ANKRD12: variants seen among roughly 807,000 people sequenced by gnomAD.
The protein encoded by ANKRD12 is ankyrin repeat domain 12, also known as ankyrin repeat domain-containing protein 12.
A neutral mutation model predicts 183.4 loss-of-function variants in ANKRD12; 85 were observed. That is an observed-to-expected ratio of 0.46 (90% confidence interval 0.39 to 0.56). The LOEUF is 0.56. ANKRD12 is among the 20% of genes least tolerant of loss of function. The probability of loss-of-function intolerance (pLI) is 0.00; values close to 1 mark genes in which losing one functional copy is unlikely to be tolerated. For missense variants in ANKRD12, 2,405 were observed against 2,357.1 expected, an observed-to-expected ratio of 1.02 and a Z score of -0.42; for synonymous variants, 914 against 800.2, an observed-to-expected ratio of 1.14 and a Z score of -2.40.
At chr18:9,278,111 A>G (rs1417847290) in intron 11 of ANKRD12, among the ~76,000 whole-genome samples, 2 of 152,226 alleles carry the variant, frequency 1.3e-5, no homozygotes, top group Non-Finnish European at 2.9e-5. Flanking sequence ...ATGAGATACC[A>G]AAATGTGAGG....
Position 9,256,396 on chromosome 18 carries a change from C to A in ANKRD12, c.3129C>A (p.Leu1043=). The change falls in exon 9 of 13, where the codon CTC becomes CTA. Residue 1043 remains leucine (L), a synonymous_variant. Coordinates refer to ENST00000262126, the MANE Select transcript of ANKRD12 (RefSeq NM_015208.5). ...HKDKIQINSL[L]KLKSEADKPK... ...ATAAAATTCAAATAAATAGCTTACT[C>A]AAACTAAAATCTGAAGCAGATAAGC... 6.2e-7 allele frequency: 1 copy of A among 1,609,900 alleles called. No individual in the cohort carries two copies. The highest frequency in any genetic ancestry group is 1.1e-5 in the South Asian group (1 of 89,816).
Position 9,254,746 on chromosome 18 carries a change from A to G in ANKRD12, c.1479A>G (p.Glu493=). 2.0e-6 allele frequency: 3 copies of G among 1,482,160 alleles called. No individual in the cohort carries two copies. The highest frequency in any genetic ancestry group is 2.7e-6 in the Non-Finnish European group (3 of 1,117,458). 91.8% of individuals were successfully genotyped at this position (1,482,160 alleles called of 1,614,324 possible). Residue 493 remains glutamate, a synonymous_variant, in exon 9 of 13, where the codon GAA becomes GAG. Transcript: ENST00000262126. ...KENQELKQEK[E]GKENTRITNL... ...ACCAAGAGCTAAAGCAAGAAAAGGA[A>G]GGAAAAGAAAATACAAGAATAACAA...
intron 10 of ANKRD12, among the ~76,000 whole-genome samples, chr18:9,269,467 A>G (rs565389295): frequency 2.0e-5 from 3 of 152,330 alleles, no homozygotes; most frequent in African/African-American, 7.2e-5. Context: ...ATAGTGCCAC[A>G]TATCTACAAC....
chr18:9,256,203 A>G lies in ANKRD12; in HGVS notation c.2936A>G (p.Gln979Arg), dbSNP rs1014690561. Residue 979 changes from glutamine (Q) to arginine (R), a missense_variant, in exon 9 of 13, where the codon CAG becomes CGG. This residue lies in a region of ANKRD12 where 1,983 missense variants were observed against 1,725.9 expected (regional missense o/e 1.15). Coordinates refer to ENST00000262126, the MANE Select transcript of ANKRD12 (RefSeq NM_015208.5). ...SINITNSKHI[Q>R]EEKKSSIVDG... ...AATATAACTAACTCCAAACACATAC[A>G]GGAAGAAAAAAAATCAAGTATAGTA... is the stretch of plus-strand genomic sequence containing the variant. 1 of 1,576,432 alleles carries G rather than the reference A, an allele frequency of 6.3e-7. No individual in the cohort carries two copies. Among genetic ancestry groups the G allele is most frequent in the Non-Finnish European group, 8.6e-7 (1 of 1,168,556 alleles).
intron 11 of ANKRD12, among the ~76,000 whole-genome samples, chr18:9,275,893 C>T (rs1363553245): frequency 6.6e-6 from 1 of 152,176 alleles, no homozygotes; most frequent in African/African-American, 2.4e-5. Context: ...TCACAAAACA[C>T]CTGTACATTT....
In ANKRD12 at chr18:9,254,432, A is replaced by C. The variant is rs771303819; in HGVS notation, c.1165A>C (p.Asn389His). ...HILRKEQRKE[N>H]EPEAEKTHLF... Reference sequence around the variant, plus strand: ...TCTTAGGAAAGAACAACGAAAAGAAAATGAACCTGAAGCAGAAAAAACTCA... The same window carrying C: ...TCTTAGGAAAGAACAACGAAAAGAACATGAACCTGAAGCAGAAAAAACTCA... Residue 389 changes from asparagine to histidine, a missense_variant, in exon 9 of 13, where the codon AAT (asparagine) becomes CAT (histidine). Physicochemically the swap from Asn to His is moderately conservative, Grantham distance 68. Transcript: ENST00000262126. The C allele has an allele frequency of 6.3e-6, 10 of 1,584,036 alleles. No individual in the cohort carries two copies. In the South Asian group the frequency reaches 1.2e-4, roughly 19 times the overall value.
At chr18:9,166,637 G>A (rs1168864512) in intron 1 of ANKRD12, among the ~76,000 whole-genome samples, 36 of 151,286 alleles carry the variant, frequency 2.4e-4, no homozygotes, top group African/African-American at 8.0e-4. Flanking sequence ...AGATGAGTAG[G>A]TTGCAAAAAT....
chr18:9,224,388 A>G (rs1481558260), intron 8 of ANKRD12, among the ~76,000 whole-genome samples: 2 of 152,180 alleles, frequency 1.3e-5, no homozygotes, highest in Non-Finnish European at 2.9e-5. Context: ...CTAATGGTAT[A>G]AAAGTAGAAA....
intron 9 of ANKRD12, among the ~76,000 whole-genome samples, chr18:9,260,661 C>T (rs1210754290): frequency 6.6e-6 from 1 of 152,152 alleles, no homozygotes; most frequent in Non-Finnish European, 1.5e-5. Context: ...ATTCTCAAGA[C>T]TCCTGGGACC....
chr18:9,209,184 TTGA>T (rs1464177334), intron 5 of ANKRD12, among the ~76,000 whole-genome samples: 1 of 152,178 alleles, frequency 6.6e-6, no homozygotes, highest in African/African-American at 2.4e-5. Context: ...CCAAAAATAA[TTGA>T]TGATGACTTA....
chr18:9,187,012 C>G (rs1231940396), intron 2 of ANKRD12, among the ~76,000 whole-genome samples: 2 of 152,156 alleles, frequency 1.3e-5, no homozygotes, highest in African/African-American at 4.8e-5. Context: ...CCGCCCACCT[C>G]AGCCTCCCAA....
At chr18:9,207,322 AAAAT>A (rs747630852) in intron 4 of ANKRD12, among the ~76,000 whole-genome samples, 11 of 152,264 alleles carry the variant, frequency 7.2e-5, no homozygotes, top group Admixed American at 3.3e-4. Context: ...ATACTGGAAA[AAAAT>A]AAAGTTGATT....
At chr18:9,168,814 G>A (rs1288793923) in intron 1 of ANKRD12, among the ~76,000 whole-genome samples, 2 of 151,682 alleles carry the variant, frequency 1.3e-5, no homozygotes, top group Non-Finnish European at 2.9e-5. Flanking sequence ...GTGATGTTAG[G>A]GTGTCAATTT....
chr18:9,157,812 T>G (rs899832140), intron 1 of ANKRD12, among the ~76,000 whole-genome samples: 12 of 151,956 alleles, frequency 7.9e-5, no homozygotes, highest in Non-Finnish European at 1.6e-4. Flanking sequence ...GGAAAATGAT[T>G]GCCACAGCAG....
At chr18:9,149,969 G>A (rs1275751598) in intron 1 of ANKRD12, among the ~76,000 whole-genome samples, 1 of 151,612 alleles carries the variant, frequency 6.6e-6, no homozygotes, top group Non-Finnish European at 1.5e-5. Flanking sequence ...GCTAATTTTT[G>A]TATTTTTGGT....
chr18:9,232,560 G>C (rs548824058), intron 8 of ANKRD12, among the ~76,000 whole-genome samples: 195 of 152,232 alleles, frequency 1.3e-3, no homozygotes, highest in African/African-American at 4.5e-3. Context: ...TTTTCTCTCT[G>C]TTATTGACTT....
intron 8 of ANKRD12, among the ~76,000 whole-genome samples, chr18:9,251,405 C>T (rs2038290526): frequency 6.6e-6 from 1 of 152,162 alleles, no homozygotes; most frequent in Non-Finnish European, 1.5e-5. Flanking sequence ...GTCTTAGTTG[C>T]AAATATCTGA....
At chr18:9,260,819 C>A (rs901341725) in intron 9 of ANKRD12, among the ~76,000 whole-genome samples, 30 of 152,170 alleles carry the variant, frequency 2.0e-4, no homozygotes, top group Admixed American at 1.5e-3. Flanking sequence ...ATGATTACCA[C>A]ATTTAAATAT....
chr18:9,230,645 C>T (rs72939207), intron 8 of ANKRD12, among the ~76,000 whole-genome samples: 9,520 of 149,660 alleles, frequency 0.064, 330 homozygotes, highest in Non-Finnish European at 0.079. Flanking sequence ...TGTTGTGTTT[C>T]TACTTTCTTC....
Sources: gnomAD v4.1 joint callset for allele counts (sites outside exome capture counted in the v4.1 genomes callset) on GRCh38, gnomAD v4.1.1 for gene constraint, gnomAD v4.1.1 regional missense constraint, MANE v1.5 for transcripts, NCBI Gene and HGNC (gene_info 2026-07-23, HGNC 2026-07-21) for gene names.